Variants in PRKN observed in about 807,000 individuals in gnomAD.
PRKN encodes the protein parkin RBR E3 ubiquitin protein ligase, also known as E3 ubiquitin-protein ligase parkin.
In PRKN, 56 loss-of-function variants were observed where a neutral mutation model predicts 59.5. The observed-to-expected ratio is 0.94, with a 90% CI of 0.76 to 1.18. The LOEUF (loss-of-function observed/expected upper bound fraction) is 1.18. Ranked by LOEUF, PRKN falls within the 50% of genes most tolerant of loss-of-function variation. The pLI is 0.00. For missense variants in PRKN, 657 were observed against 596.4 expected, an observed-to-expected ratio of 1.10 and a Z score of -1.06; for synonymous variants, 250 against 222.1, an observed-to-expected ratio of 1.13 and a Z score of -1.12.
At chr6:162,653,530 C>T (rs1296632522) in intron 1 of PRKN, among the ~76,000 whole-genome samples, 1 of 151,984 alleles carries the variant, frequency 6.6e-6, no homozygotes, top group Non-Finnish European at 1.5e-5. Flanking sequence ...GGTAAATAAA[C>T]ATTATTTTGG....
At chr6:162,236,766 C>T (rs1254722502) in intron 3 of PRKN, among the ~76,000 whole-genome samples, 1 of 151,402 alleles carries the variant, frequency 6.6e-6, no homozygotes, top group Non-Finnish European at 1.5e-5. Flanking sequence ...TTGCACTCCG[C>T]CTGGGTGACA....
chr6:162,672,138 C>T (rs1478917488), intron 1 of PRKN, among the ~76,000 whole-genome samples: 1 of 152,124 alleles, frequency 6.6e-6, no homozygotes, highest in Non-Finnish European at 1.5e-5. Context: ...CAACATCACT[C>T]CTATTGTTTT....
intron 7 of PRKN, among the ~76,000 whole-genome samples, chr6:161,777,567 A>G (rs1789977790): frequency 6.6e-6 from 1 of 150,950 alleles, no homozygotes; most frequent in Non-Finnish European, 1.5e-5. Context: ...AGAAATGAAT[A>G]TATACAGACA....
intron 4 of PRKN, among the ~76,000 whole-genome samples, chr6:162,189,740 ACAATAGACATATTATGT>A (rs1784194263): frequency 6.6e-6 from 1 of 151,924 alleles, no homozygotes; most frequent in African/African-American, 2.4e-5. Flanking sequence ...ATAACATTGA[ACAATAGACATATTATGT>A]CATATTGGTT....
intron 10 of PRKN, among the ~76,000 whole-genome samples, chr6:161,375,270 C>A (rs967479215): frequency 6.6e-6 from 1 of 152,106 alleles, no homozygotes; most frequent in Non-Finnish European, 1.5e-5. Context: ...GGTGCTCTGC[C>A]GTGCTGGAGT....
intron 2 of PRKN, among the ~76,000 whole-genome samples, chr6:162,356,804 C>G (rs1047136018): frequency 6.8e-6 from 1 of 146,854 alleles, no homozygotes; most frequent in African/African-American, 2.5e-5. Flanking sequence ...CAATGGAGAT[C>G]CCAGAAATAG....
Position 161,466,987 on chromosome 6 carries a change from A to G in PRKN, c.1084-80110T>C, listed in dbSNP as rs146535369. On this transcript the variant is annotated intron_variant, in intron 9 of 11. Coordinates refer to ENST00000366898, the MANE Select transcript of PRKN (RefSeq NM_004562.3). This position sits in a 1 kb window ranked among gnomAD's most constrained non-coding sequence, Gnocchi z 5.0. The stretch of plus-strand genomic sequence containing the variant: ...ATCTCATCAAGAGGTTCCTGTCTAG[A>G]TTCGCGTCCTTATATACAAGCCAAC... Among the ~76,000 whole-genome samples the G allele has an allele frequency of 3.1e-3, 474 of 152,304 alleles. 1 individual carries two copies. The highest frequency in any genetic ancestry group is 4.9e-3 in the Non-Finnish European group (333 of 68,028).
In PRKN at chr6:161,502,183, C is replaced by A. The variant is rs1241349345; in HGVS notation, c.1083+46671G>T. Among the ~76,000 whole-genome samples the A allele has an allele frequency of 2.0e-5, 3 of 152,180 alleles. No homozygotes were observed. The highest frequency in any genetic ancestry group is 4.4e-5 in the Non-Finnish European group (3 of 68,032). On this transcript the variant is annotated intron_variant, in intron 9 of 11. Transcript: ENST00000366898. This position sits in a 1 kb window ranked among gnomAD's most constrained non-coding sequence, Gnocchi z 4.0. ...CTAATCATGTCCATTTTGGGCCATG[C>A]ACTGCACATGCTTATCATTAGTCAA... is the stretch of plus-strand genomic sequence containing the variant.
intron 4 of PRKN, among the ~76,000 whole-genome samples, chr6:162,068,705 A>G (rs1250214280): frequency 1.3e-5 from 2 of 152,196 alleles, no homozygotes; most frequent in Non-Finnish European, 2.9e-5. Flanking sequence ...CATCATAAGT[A>G]ATATCGTCAG....
intron 2 of PRKN, among the ~76,000 whole-genome samples, chr6:162,321,122 T>C (rs1385752112): frequency 6.6e-6 from 1 of 151,850 alleles, no homozygotes; most frequent in East Asian, 1.9e-4. Context: ...AATTATACTG[T>C]CTTGTCAGGC....
chr6:162,406,880 TTAG>T (rs1391282548), intron 2 of PRKN, among the ~76,000 whole-genome samples: 2 of 152,140 alleles, frequency 1.3e-5, no homozygotes, highest in Admixed American at 6.5e-5. Context: ...GTATTTTTAT[TTAG>T]TAGATCTGGT....
rs1459421484 is a variant in PRKN, at chr6:161,396,595, T to C, written c.1084-9718A>G. Among the ~76,000 whole-genome samples, 2 of 152,200 alleles carry C rather than the reference T, an allele frequency of 1.3e-5. No individual in the cohort carries two copies. Among genetic ancestry groups the C allele is most frequent in the South Asian group, 2.1e-4 (1 of 4,834 alleles). On this transcript the variant is annotated intron_variant, in intron 9 of 11. Transcript: ENST00000366898. This position sits in a 1 kb window ranked among gnomAD's most constrained non-coding sequence, Gnocchi z 5.4. ...TCATTAGTAAAACGCACAGCATATG[T>C]CTTCTATAATTTTTAACTGGTCCCT... is the stretch of plus-strand genomic sequence containing the variant.
intron 2 of PRKN, among the ~76,000 whole-genome samples, chr6:162,356,747 T>TAAAAAAAAAAAAAAAAAAAAAAAAAAAA (rs748212596): frequency 1.1e-4 from 8 of 73,048 alleles, no homozygotes; most frequent in East Asian, 3.8e-4. Context: ...TGATTATTAG[T>TAAAAAAAAAAAAAAAAAAAAAAAAAAAA]AAAAAAAAAA....
At chr6:162,140,081 G>C (rs1424474464) in intron 4 of PRKN, among the ~76,000 whole-genome samples, 2 of 152,166 alleles carry the variant, frequency 1.3e-5, no homozygotes, top group African/African-American at 2.4e-5. Flanking sequence ...AAATAGTTCT[G>C]TGAAAACAGT....
At chr6:161,758,762 G>C (rs545376915) in intron 7 of PRKN, among the ~76,000 whole-genome samples, 1 of 152,278 alleles carries the variant, frequency 6.6e-6, no homozygotes, top group South Asian at 2.1e-4. Flanking sequence ...GAAATAAAAG[G>C]ACTGGCCTGA....
At chr6:162,517,541 C>A (rs547034984) in intron 1 of PRKN, among the ~76,000 whole-genome samples, 1 of 152,092 alleles carries the variant, frequency 6.6e-6, no homozygotes, top group African/African-American at 2.4e-5. Context: ...CAGGCGTGAG[C>A]GACTGCGCCC....
At chr6:161,509,605 C>A (rs921202749) in intron 9 of PRKN, among the ~76,000 whole-genome samples, 2 of 143,734 alleles carry the variant, frequency 1.4e-5, no homozygotes, top group South Asian at 4.7e-4. Flanking sequence ...AAAGGCTGGG[C>A]ACGGTGGCTT....
At chr6:162,042,697 A>C (rs1784111222) in intron 5 of PRKN, among the ~76,000 whole-genome samples, 1 of 152,190 alleles carries the variant, frequency 6.6e-6, no homozygotes, top group Non-Finnish European at 1.5e-5. Flanking sequence ...ACTACTCACT[A>C]TTAAATACCA....
chr6:161,747,379 T>C (rs1452975758), intron 7 of PRKN, among the ~76,000 whole-genome samples: 1 of 150,778 alleles, frequency 6.6e-6, no homozygotes, highest in African/African-American at 2.4e-5. Flanking sequence ...ACCAAGGTAA[T>C]GGAAGTGATA....
Sources: allele counts gnomAD v4.1 joint callset (sites outside exome capture counted in the v4.1 genomes callset), GRCh38; gene constraint gnomAD v4.1.1; non-coding constraint Gnocchi (gnomAD v3.1); transcripts MANE v1.5; gene names NCBI Gene and HGNC (gene_info 2026-07-23, HGNC 2026-07-21).